RAD54L2: variants seen among roughly 807,000 people sequenced by gnomAD.
RAD54L2 encodes RAD54 like 2.
A neutral mutation model predicts 138.4 loss-of-function variants in RAD54L2; 27 were observed. The ratio of observed to expected loss-of-function variants is 0.20; its 90% CI spans 0.14 to 0.27. The LOEUF (loss-of-function observed/expected upper bound fraction) is 0.27. Ranked by LOEUF, RAD54L2 falls within the 10% of genes least tolerant of loss-of-function variation. The pLI is 1.00. For synonymous variants in RAD54L2, 644 were observed against 723.2 expected (o/e 0.89, Z 1.76); for missense variants, 1,396 against 1,890.2 (o/e 0.74, Z 4.85).
chr3:51,620,287 G>A (rs960532654), intron 3 of RAD54L2, among the ~76,000 whole-genome samples: 6 of 137,026 alleles, frequency 4.4e-5, no homozygotes, highest in Non-Finnish European at 7.7e-5. Context: ...TTGTAGAGAT[G>A]GCAGTTTCTC....
At chr3:51,627,174 A>G (rs1035168932) in intron 3 of RAD54L2, among the ~76,000 whole-genome samples, 2 of 152,172 alleles carry the variant, frequency 1.3e-5, no homozygotes, top group African/African-American at 4.8e-5. Flanking sequence ...GAGTCATACC[A>G]CTGGGTATGA....
At chr3:51,639,321 G>A in intron 12 of RAD54L2, 98 bp from the exon 13 acceptor site, 2 of 1,400,744 alleles carry the variant, frequency 1.4e-6, no homozygotes, top group South Asian at 2.7e-5. Flanking sequence ...TTTATTGTGG[G>A]ACGTGTGTGT....
At chr3:51,564,676 G>A (rs762050070) in intron 2 of RAD54L2, among the ~76,000 whole-genome samples, 14 of 152,226 alleles carry the variant, frequency 9.2e-5, no homozygotes, top group Non-Finnish European at 1.6e-4. Flanking sequence ...CAGCACTTTG[G>A]GAGGCTGAGG....
intron 2 of RAD54L2, among the ~76,000 whole-genome samples, chr3:51,589,509 G>A (rs1045729310): frequency 6.6e-6 from 1 of 152,190 alleles, no homozygotes; most frequent in African/African-American, 2.4e-5. Flanking sequence ...TGGACTGGAA[G>A]CTTTGGCTCA....
chr3:51,594,782 A>T (rs1313500175), intron 3 of RAD54L2, among the ~76,000 whole-genome samples: 1 of 147,518 alleles, frequency 6.8e-6, no homozygotes, highest in Non-Finnish European at 1.5e-5. Flanking sequence ...CACCAGAGTG[A>T]GACTGGAGAG....
In RAD54L2 at chr3:51,635,596, G is replaced by A. The variant is rs780495876; in HGVS notation, c.1146G>A (p.Thr382=). 36 of 1,599,836 alleles carry A rather than the reference G, an allele frequency of 2.3e-5. No individual in the cohort carries two copies. The South Asian group carries it at 3.2e-4, about 14-fold the overall frequency. The change falls in exon 10 of 23, where the codon ACG becomes ACA. Residue 382 remains threonine, a synonymous_variant. Coordinates refer to ENST00000684192, the MANE Select transcript of RAD54L2 (RefSeq NM_015106.4). ...ATTTTCTCTGTTCATCTTGCAGGAC[G>A]ATGGCATCTCGTGCTAAAGTGATGG... ...KVHILNDEHK[T]MASRAKVMAD... is the part of the protein sequence containing the mutation.
At chr3:51,619,348 C>T (rs1183310539) in intron 3 of RAD54L2, among the ~76,000 whole-genome samples, 2 of 152,192 alleles carry the variant, frequency 1.3e-5, no homozygotes, top group Non-Finnish European at 1.5e-5. Flanking sequence ...TGAGCCACCA[C>T]GCCTGGTCTA....
chr3:51,623,003 C>T (rs1577432809), intron 3 of RAD54L2, among the ~76,000 whole-genome samples: 1 of 152,354 alleles, frequency 6.6e-6, no homozygotes, highest in South Asian at 2.1e-4. Flanking sequence ...TGCTCTTGGG[C>T]ACTTTCCATA....
chr3:51,626,597 A>G (rs1700695377), intron 3 of RAD54L2, among the ~76,000 whole-genome samples: 1 of 151,070 alleles, frequency 6.6e-6, no homozygotes, highest in Non-Finnish European at 1.5e-5. Flanking sequence ...GGCGCCCGCC[A>G]CCATGCCTGG....
At chr3:51,540,982 A>G (rs1698533369) in intron 1 of RAD54L2, among the ~76,000 whole-genome samples, 1 of 150,734 alleles carries the variant, frequency 6.6e-6, no homozygotes, top group Admixed American at 6.6e-5. Context: ...CAGAGGTTAC[A>G]ATGAGCCGAG....
chr3:51,656,019 T>C lies in RAD54L2; in HGVS notation c.3075T>C (p.Pro1025=), dbSNP rs1239735105. The C allele has an allele frequency of 1.2e-6, 2 of 1,613,942 alleles. No homozygotes were observed. The highest frequency in any genetic ancestry group is 1.7e-6 in the Non-Finnish European group (2 of 1,179,832). The change falls in exon 20 of 23, where the codon CCT becomes CCC. Residue 1025 remains proline, a synonymous_variant. Coordinates refer to ENST00000684192, the MANE Select transcript of RAD54L2 (RefSeq NM_015106.4). ...GDEKPVASVR[P]VQSTPIPMMP... ...AAAAGCCTGTGGCCAGTGTTCGTCCTGTGCAGTCCACCCCCATCCCCATGA... is the reference window on the plus strand; with the variant it reads ...AAAAGCCTGTGGCCAGTGTTCGTCCCGTGCAGTCCACCCCCATCCCCATGA...
At chr3:51,552,923 A>G (rs1012811508) in intron 2 of RAD54L2, among the ~76,000 whole-genome samples, 1 of 152,028 alleles carries the variant, frequency 6.6e-6, no homozygotes, top group African/African-American at 2.4e-5. Context: ...ATTTACATTT[A>G]TTTATTGAAG....
In RAD54L2 at chr3:51,660,124, A is replaced by G; in HGVS notation, c.3409+6A>G. 6.3e-7 allele frequency: 1 copy of G among 1,591,830 alleles called. No homozygotes were observed. The highest frequency in any genetic ancestry group is 8.6e-7 in the Non-Finnish European group (1 of 1,162,488). On this transcript the variant is annotated splice_donor_region_variant and intron_variant, in intron 22 of 22. Transcript: ENST00000684192. ...TGGTCGGATGGCTGCCTCAGGTGTG[A>G]TGGCTTTTACTTTCCATTTTACTTT... is the stretch of plus-strand genomic sequence containing the variant.
At chr3:51,554,647 C>G (rs1156820481) in intron 2 of RAD54L2, among the ~76,000 whole-genome samples, 1 of 152,194 alleles carries the variant, frequency 6.6e-6, no homozygotes, top group Non-Finnish European at 1.5e-5. Flanking sequence ...AAATTTGCAT[C>G]TGTAAAGAAT....
intron 19 of RAD54L2, among the ~76,000 whole-genome samples, chr3:51,655,519 C>T (rs1239129279): frequency 1.3e-5 from 2 of 152,146 alleles, no homozygotes; most frequent in Non-Finnish European, 2.9e-5. Context: ...TTTAGGATCA[C>T]CTAAACGTGT....
chr3:51,657,617 A>T lies in RAD54L2; in HGVS notation c.3264A>T (p.Val1088=). 1 of 1,585,402 alleles carries T rather than the reference A, an allele frequency of 6.3e-7. No homozygotes were observed. Among genetic ancestry groups the T allele is most frequent in the Non-Finnish European group, 8.6e-7 (1 of 1,163,662 alleles). ...VIPGLNSSTD[V]QARINAGESI... Reference sequence around the variant, plus strand: ...CTGGACTCAACAGCTCCACAGATGTACAGGCAAGAATTAATGCTGGTGAGA... The same window carrying T: ...CTGGACTCAACAGCTCCACAGATGTTCAGGCAAGAATTAATGCTGGTGAGA... Residue 1088 remains valine, a synonymous_variant, in exon 21 of 23, where the codon GTA becomes GTT. Transcript: ENST00000684192.
chr3:51,558,492 G>T (rs1294282715), intron 2 of RAD54L2, among the ~76,000 whole-genome samples: 1 of 151,424 alleles, frequency 6.6e-6, no homozygotes, highest in African/African-American at 2.4e-5. Context: ...TTGAGACAGG[G>T]TCTTGCTTGC....
At chr3:51,590,248 C>T in intron 2 of RAD54L2, 119 bp from the exon 3 acceptor site, 1 of 681,414 alleles carries the variant, frequency 1.5e-6, no homozygotes, top group Non-Finnish European at 2.3e-6. Context: ...ACCTTGACCT[C>T]CCAAAGTGCT....
At chr3:51,547,886 T>C (rs1698737103) in intron 2 of RAD54L2, among the ~76,000 whole-genome samples, 1 of 152,064 alleles carries the variant, frequency 6.6e-6, no homozygotes, top group Non-Finnish European at 1.5e-5. Context: ...AAATACTTTC[T>C]TTCTTTCTTT....
Sources: allele counts gnomAD v4.1 joint callset (sites outside exome capture counted in the v4.1 genomes callset), GRCh38; gene constraint gnomAD v4.1.1; transcripts MANE v1.5; gene names NCBI Gene and HGNC (gene_info 2026-07-23, HGNC 2026-07-21).